ADK: variants seen among roughly 807,000 people sequenced by gnomAD.
ADK encodes the protein N6,N6-dimethyladenosine kinase.
Under a neutral mutation model 44.7 loss-of-function variants are expected in ADK, and 24 were observed. The ratio of observed to expected loss-of-function variants is 0.54; its 90% CI spans 0.39 to 0.76. The LOEUF is 0.76. Ranked by LOEUF, ADK falls within the 30% of genes least tolerant of loss-of-function variation. The pLI, the probability that ADK is intolerant of heterozygous loss-of-function variation, is 0.00. For synonymous variants in ADK, 128 were observed against 142.6 expected (o/e 0.90, Z 0.73); for missense variants, 321 against 425.1 (o/e 0.76, Z 2.15).
chr10:74,665,423 T>A (rs1043514082), intron 9 of ADK, among the ~76,000 whole-genome samples: 1 of 151,884 alleles, frequency 6.6e-6, no homozygotes, highest in African/African-American at 2.4e-5. Flanking sequence ...GTGGCAGGGG[T>A]AGTGACTGAA....
At chr10:74,241,478 C>G (rs1417021347) in intron 3 of ADK, among the ~76,000 whole-genome samples, 1 of 151,488 alleles carries the variant, frequency 6.6e-6, no homozygotes, top group Non-Finnish European at 1.5e-5. Flanking sequence ...CTCTATCTCC[C>G]GGGTTCAAGC....
At chr10:74,219,564 A>G (rs1844210800) in intron 2 of ADK, among the ~76,000 whole-genome samples, 1 of 152,246 alleles carries the variant, frequency 6.6e-6, no homozygotes, top group Non-Finnish European at 1.5e-5. Context: ...AATAGAATAT[A>G]CATTTTTTTC....
At chr10:74,481,790 A>G (rs923928462) in intron 6 of ADK, among the ~76,000 whole-genome samples, 3 of 151,926 alleles carry the variant, frequency 2.0e-5, no homozygotes, top group Non-Finnish European at 2.9e-5. Context: ...GCTATTTTAC[A>G]TGAGGTTTAA....
chr10:74,238,630 T>C (rs1044552557), intron 3 of ADK, among the ~76,000 whole-genome samples: 15 of 152,312 alleles, frequency 9.8e-5, no homozygotes, highest in African/African-American at 2.9e-4. Flanking sequence ...ATGGAAGATT[T>C]GTGTTACCCT....
intron 10 of ADK, among the ~76,000 whole-genome samples, chr10:74,678,935 T>G (rs1166011436): frequency 2.0e-5 from 3 of 152,224 alleles, no homozygotes; most frequent in African/African-American, 7.2e-5. Context: ...CAGTTAGCTT[T>G]TACTGCATAA....
chr10:74,394,089 T>G (rs1169396457), intron 4 of ADK, 52 bp from the exon 5 acceptor site: 12 of 1,560,766 alleles, frequency 7.7e-6, no homozygotes, highest in Non-Finnish European at 1.1e-5. Flanking sequence ...AATATTAAAC[T>G]ATGTGTACCA....
chr10:74,586,841 CA>C (rs1248664370), intron 7 of ADK, among the ~76,000 whole-genome samples: 1 of 141,102 alleles, frequency 7.1e-6, no homozygotes, highest in Non-Finnish European at 1.5e-5. Context: ...GCTACAAGAG[CA>C]AAGCTCTGTC....
intron 7 of ADK, among the ~76,000 whole-genome samples, chr10:74,586,987 A>T (rs1851551889): frequency 2.0e-5 from 3 of 152,092 alleles, no homozygotes; most frequent in South Asian, 4.1e-4. Context: ...CATTAAAAAA[A>T]TTTTACTGTA....
chr10:74,655,047 T>A, intron 9 of ADK: 1 of 222,100 alleles, frequency 4.5e-6, no homozygotes, highest in Admixed American at 5.2e-5. Context: ...AGGCAGCGAC[T>A]GGCACCCCTT....
intron 9 of ADK, among the ~76,000 whole-genome samples, chr10:74,631,599 C>G (rs1009017525): frequency 1.3e-5 from 2 of 151,998 alleles, no homozygotes; most frequent in Non-Finnish European, 2.9e-5. Context: ...AGTAGTATCA[C>G]CTATTGCAAT....
chr10:74,669,141 T>G (rs1387120744), intron 9 of ADK, among the ~76,000 whole-genome samples: 2 of 152,344 alleles, frequency 1.3e-5, no homozygotes, highest in African/African-American at 4.8e-5. Context: ...TTTATGTCTC[T>G]TGTTGAAAGT....
At chr10:74,634,130 T>C (rs771972451) in intron 9 of ADK, among the ~76,000 whole-genome samples, 2 of 152,354 alleles carry the variant, frequency 1.3e-5, no homozygotes, top group Middle Eastern at 6.8e-3. Context: ...CAAGTTTACT[T>C]GTCTCCTTAA....
At chr10:74,300,858 A>G (rs576883213) in intron 3 of ADK, among the ~76,000 whole-genome samples, 2 of 152,328 alleles carry the variant, frequency 1.3e-5, no homozygotes, top group African/African-American at 2.4e-5. Context: ...TTCCACACAC[A>G]TTTGTAGCAG....
At chr10:74,425,599 C>T (rs1477851050) in intron 6 of ADK, among the ~76,000 whole-genome samples, 4 of 152,010 alleles carry the variant, frequency 2.6e-5, no homozygotes, top group Non-Finnish European at 5.9e-5. Context: ...AGTCATTGAA[C>T]GTGGAGTTGG....
intron 9 of ADK, chr10:74,655,197 C>G (rs563598739): frequency 3.1e-6 from 1 of 319,808 alleles, no homozygotes. Context: ...GAAGGAGAAA[C>G]ATGAAAGGGA....
At position 74,181,599 on chromosome 10, in the gene ADK, G is replaced by A. The variant is rs916781053; in HGVS notation, c.66-19165G>A. On this transcript the variant is annotated intron_variant, in intron 1 of 10. Transcript: ENST00000539909. ...ATGCAGAATGTCAGGATTCAAAGAG[G>A]ATCTTAGCATTTTACTTTTTTTCCT... Among the ~76,000 whole-genome samples, 6 of 152,146 alleles carry A rather than the reference G, an allele frequency of 3.9e-5. No homozygotes were observed. In the East Asian group the frequency reaches 1.2e-3, roughly 29 times the overall value.
intron 6 of ADK, among the ~76,000 whole-genome samples, chr10:74,473,272 T>A (rs1846677299): frequency 6.6e-6 from 1 of 152,138 alleles, no homozygotes; most frequent in South Asian, 2.1e-4. Context: ...TGAAATAATT[T>A]TAGATTTATA....
At chr10:74,657,043 A>G (rs4746215) in intron 9 of ADK, among the ~76,000 whole-genome samples, 35,371 of 149,754 alleles carry the variant, frequency 0.24, 5,295 homozygotes, top group East Asian at 0.69. Flanking sequence ...TTTTTTTTTA[A>G]TCTGTAGACT....
intron 10 of ADK, among the ~76,000 whole-genome samples, chr10:74,675,781 T>A (rs1855363992): frequency 6.6e-6 from 1 of 152,134 alleles, no homozygotes; most frequent in South Asian, 2.1e-4. Context: ...TCCCAGTAAA[T>A]GAAACTGAGA....
Sources: allele counts gnomAD v4.1 joint callset (sites outside exome capture counted in the v4.1 genomes callset), GRCh38; gene constraint gnomAD v4.1.1; transcripts MANE v1.5; gene names NCBI Gene and HGNC (gene_info 2026-07-23, HGNC 2026-07-21).